FBXO17: variants seen among roughly 807,000 people sequenced by gnomAD.
The protein encoded by FBXO17 is F-box only protein 17.
A neutral mutation model predicts 34.1 loss-of-function variants in FBXO17; 43 were observed. That is an observed-to-expected ratio of 1.26 (90% CI 0.99 to 1.62). FBXO17 has a LOEUF of 1.62. Among genes scored for constraint, FBXO17 ranks in the 40% most tolerant of loss-of-function variants. The probability of loss-of-function intolerance (pLI) is 0.00; values close to 1 mark genes in which losing one functional copy is unlikely to be tolerated. For missense variants in FBXO17, 424 were observed against 386.7 expected (o/e 1.10, Z -0.81); for synonymous variants, 169 against 166.0 (o/e 1.02, Z -0.14).
chr19:38,952,363 T>C (rs1181150519), intron 1 of FBXO17, among the ~76,000 whole-genome samples: 2 of 152,230 alleles, frequency 1.3e-5, no homozygotes, highest in African/African-American at 4.8e-5. Context: ...CCAGCTACTG[T>C]GACCTTTGGA....
chr19:38,966,176 GT>G (rs1975317784), intron 1 of FBXO17, among the ~76,000 whole-genome samples: 1 of 151,630 alleles, frequency 6.6e-6, no homozygotes, highest in Non-Finnish European at 1.5e-5. Flanking sequence ...CACCATGTTA[GT>G]CAGGCTGGTC....
intron 1 of FBXO17, among the ~76,000 whole-genome samples, chr19:38,953,897 G>C (rs1469279988): frequency 6.6e-6 from 1 of 151,690 alleles, no homozygotes; most frequent in East Asian, 1.9e-4. Context: ...TAGAGGCGGG[G>C]GTGGCTGTGG....
chr19:38,968,061 C>T (rs547954138), intron 1 of FBXO17, among the ~76,000 whole-genome samples: 78 of 152,242 alleles, frequency 5.1e-4, no homozygotes, highest in Non-Finnish European at 1.0e-3. Flanking sequence ...TGAGGCCAGG[C>T]TCGGTGGCTC....
intron 1 of FBXO17, among the ~76,000 whole-genome samples, chr19:38,958,154 G>A (rs1166611684): frequency 6.6e-6 from 1 of 151,078 alleles, no homozygotes; most frequent in Non-Finnish European, 1.5e-5. Flanking sequence ...GCTCATGCCT[G>A]TAATCTCAGC....
At chr19:38,964,074 G>A (rs905411417) in intron 1 of FBXO17, among the ~76,000 whole-genome samples, 3 of 152,066 alleles carry the variant, frequency 2.0e-5, no homozygotes, top group East Asian at 1.9e-4. Flanking sequence ...GTGAGCCATC[G>A]TGTCCAGCCA....
At chr19:38,956,076 G>C (rs1269952868) in intron 1 of FBXO17, among the ~76,000 whole-genome samples, 4 of 151,870 alleles carry the variant, frequency 2.6e-5, no homozygotes, top group Non-Finnish European at 5.9e-5. Flanking sequence ...GACCAGCCTG[G>C]GCAACATGGC....
intron 1 of FBXO17, among the ~76,000 whole-genome samples, chr19:38,967,084 G>A (rs1568445796): frequency 6.6e-6 from 1 of 152,154 alleles, no homozygotes; most frequent in Non-Finnish European, 1.5e-5. Flanking sequence ...TTTTGTACTT[G>A]CACATTATAT....
intron 1 of FBXO17, among the ~76,000 whole-genome samples, chr19:38,962,932 G>C (rs560667754): frequency 4.8e-4 from 73 of 152,050 alleles, no homozygotes; most frequent in Admixed American, 1.2e-3. Flanking sequence ...GGATGGTCTC[G>C]ATCTCTTGAC....
At position 38,975,560 on chromosome 19, in the gene FBXO17, G is replaced by A. The variant is rs1975450651; in HGVS notation, c.-18+26C>T. Reference sequence around the variant, plus strand: ...GGACTGACGCTTGGGTCCCGACCTGGGTCCCCTACCTGTCCCGGCGCTCAC... The same window carrying A: ...GGACTGACGCTTGGGTCCCGACCTGAGTCCCCTACCTGTCCCGGCGCTCAC... On this transcript the variant is annotated intron_variant, in intron 1 of 5. Transcript: ENST00000292852. This position sits in a 1 kb window ranked among gnomAD's most constrained non-coding sequence, Gnocchi z 4.9. 1 of 152,212 alleles carries A rather than the reference G, an allele frequency of 6.6e-6. No homozygotes were observed. Among genetic ancestry groups the A allele is most frequent in the African/African-American group, 2.4e-5 (1 of 41,454 alleles). The allele number at this position is 152,212 out of a possible 1,614,324, so 9.4% of individuals were successfully genotyped here. A position where few individuals can be genotyped will look rare whatever the true frequency, so the allele number is the denominator to read the frequency against.
At chr19:38,956,124 A>C (rs1975163686) in intron 1 of FBXO17, among the ~76,000 whole-genome samples, 1 of 151,768 alleles carries the variant, frequency 6.6e-6, no homozygotes, top group Non-Finnish European at 1.5e-5. Flanking sequence ...AAAGTAGCGG[A>C]GCGTGGTGGT....
rs1476982051 is a variant in FBXO17 at position 38,953,688 on chromosome 19, A to AAAAAC, written c.-17-3353_-17-3352insGTTTT. On this transcript the variant is annotated intron_variant, in intron 1 of 5. Transcript: ENST00000292852. ...AACAAAACAAAAACAAAAACAAAAA[A>AAAAAC]AGAGAGAGGGTTTGTTTTGAGATGG... Among the ~76,000 whole-genome samples, 166 of 151,916 alleles carry AAAAAC rather than the reference A, an allele frequency of 1.1e-3. 2 individuals carry two copies. The highest frequency in any genetic ancestry group is 1.4e-3 in the Admixed American group (21 of 15,262).
chr19:38,954,924 TA>T (rs1975144517), intron 1 of FBXO17, among the ~76,000 whole-genome samples: 1 of 139,252 alleles, frequency 7.2e-6, no homozygotes, highest in Non-Finnish European at 1.5e-5. Context: ...TTATTATTAT[TA>T]TTATTATTAT....
At position 38,949,472 on chromosome 19, in the gene FBXO17, G is replaced by T. The variant is rs149416154; in HGVS notation, c.349+499C>A. The stretch of plus-strand genomic sequence containing the variant: ...TGGTCTCAAACTCCTGGCCTCAAGC[G>T]ATCCTCCCACCATAGACTCCCAAAA... On this transcript the variant is annotated intron_variant, in intron 2 of 5. Transcript: ENST00000292852. 3.8e-3 allele frequency among the ~76,000 whole-genome samples: 574 copies of T among 151,740 alleles called. 6 individuals carry two copies. The highest frequency in any genetic ancestry group is 0.013 in the African/African-American group (552 of 41,356).
chr19:38,949,161 G>A (rs977877572), intron 2 of FBXO17, among the ~76,000 whole-genome samples: 1 of 152,160 alleles, frequency 6.6e-6, no homozygotes, highest in Non-Finnish European at 1.5e-5. Context: ...GAGTGCAATG[G>A]CATGATCTCA....
intron 1 of FBXO17, among the ~76,000 whole-genome samples, chr19:38,973,436 G>A (rs1443911932): frequency 6.6e-6 from 1 of 152,142 alleles, no homozygotes; most frequent in Non-Finnish European, 1.5e-5. Flanking sequence ...TCTCTAGCAG[G>A]TCTTCTGTGG....
intron 1 of FBXO17, among the ~76,000 whole-genome samples, chr19:38,966,293 T>TTGTGTGTGTG (rs10569438): frequency 0.21 from 30,698 of 142,858 alleles, 3,905 homozygotes; most frequent in East Asian, 0.41. Flanking sequence ...ATTAAAAATT[T>TTGTGTGTGTG]TGTGTGTGTG....
chr19:38,957,715 G>A (rs1276746811), intron 1 of FBXO17, among the ~76,000 whole-genome samples: 3 of 152,102 alleles, frequency 2.0e-5, no homozygotes, highest in East Asian at 3.9e-4. Flanking sequence ...TAGGCCCCTC[G>A]CCCAACAAGG....
At chr19:38,966,152 T>C (rs1438442788) in intron 1 of FBXO17, among the ~76,000 whole-genome samples, 2 of 151,674 alleles carry the variant, frequency 1.3e-5, no homozygotes, top group Non-Finnish European at 2.9e-5. Flanking sequence ...GTATTTTTAG[T>C]TGAGACAGGG....
chr19:38,957,144 C>G (rs377364904), intron 1 of FBXO17, among the ~76,000 whole-genome samples: 8 of 150,986 alleles, frequency 5.3e-5, no homozygotes, highest in Non-Finnish European at 1.5e-5. Flanking sequence ...CTTGAACCCG[C>G]GAGGTGGAGG....
Sources: gnomAD v4.1 joint callset for allele counts (sites outside exome capture counted in the v4.1 genomes callset) on GRCh38, gnomAD v4.1.1 for gene constraint, Gnocchi (gnomAD v3.1) non-coding constraint, MANE v1.5 for transcripts, NCBI Gene and HGNC (gene_info 2026-07-23, HGNC 2026-07-21) for gene names.